The following SCMH1 variants were observed in gnomAD, a reference collection of about 807,000 sequenced individuals.
SCMH1 encodes polycomb protein SCMH1.
Under a neutral mutation model 70.8 loss-of-function variants are expected in SCMH1, and 37 were observed. That is an observed-to-expected ratio of 0.52 (90% confidence interval 0.40 to 0.69). The LOEUF is 0.69. SCMH1 is among the 30% of genes least tolerant of loss of function. The pLI, the probability that SCMH1 is intolerant of heterozygous loss-of-function variation, is 0.00. For missense variants in SCMH1, 607 were observed against 827.3 expected, an observed-to-expected ratio of 0.73 and a Z score of 3.27; for synonymous variants, 292 against 307.4, an observed-to-expected ratio of 0.95 and a Z score of 0.52.
intron 8 of SCMH1, among the ~76,000 whole-genome samples, chr1:41,090,385 C>T (rs1487862087): frequency 1.3e-5 from 2 of 152,144 alleles, no homozygotes; most frequent in Non-Finnish European, 2.9e-5. Context: ...ATGCTCATAT[C>T]TGCTTCTGCA....
At chr1:41,126,883 G>A (rs1673308218) in intron 6 of SCMH1, among the ~76,000 whole-genome samples, 1 of 152,012 alleles carries the variant, frequency 6.6e-6, no homozygotes, top group Non-Finnish European at 1.5e-5. Flanking sequence ...TTCCTGAAGT[G>A]GGATCCCTGG....
At chr1:41,160,803 A>C in intron 4 of SCMH1, 72 bp downstream of exon 4, 1 of 1,412,784 alleles carries the variant, frequency 7.1e-7, no homozygotes, top group African/African-American at 1.4e-5. Flanking sequence ...TCGTTGGTTA[A>C]AACTGGTTAT....
chr1:41,161,178 T>C (rs939423849), intron 3 of SCMH1, among the ~76,000 whole-genome samples, 186 bp downstream of exon 3: 19 of 152,276 alleles, frequency 1.2e-4, no homozygotes, highest in African/African-American at 4.6e-4. Context: ...ACTCAGAATC[T>C]AGGTTTCCTA....
intron 8 of SCMH1, among the ~76,000 whole-genome samples, chr1:41,105,131 T>C (rs1389671669): frequency 6.6e-6 from 1 of 151,870 alleles, no homozygotes; most frequent in African/African-American, 2.4e-5. Context: ...AATTTTTTTT[T>C]TTTTTGTATT....
At chr1:41,144,495 C>T (rs1276989852) in intron 5 of SCMH1, among the ~76,000 whole-genome samples, 2 of 152,158 alleles carry the variant, frequency 1.3e-5, no homozygotes, top group Non-Finnish European at 2.9e-5. Flanking sequence ...TTTGCTTACT[C>T]ATTCATCAGC....
intron 4 of SCMH1, among the ~76,000 whole-genome samples, chr1:41,157,608 T>C (rs1457056363): frequency 1.3e-5 from 2 of 152,212 alleles, no homozygotes; most frequent in East Asian, 1.9e-4. Flanking sequence ...TATCCTGATA[T>C]GAGAAAGGTC....
intron 4 of SCMH1, among the ~76,000 whole-genome samples, chr1:41,153,708 T>A (rs1358702656): frequency 2.6e-5 from 4 of 152,208 alleles, no homozygotes; most frequent in Non-Finnish European, 5.9e-5. Flanking sequence ...CATACCTAGA[T>A]GGTATTTTCC....
intron 8 of SCMH1, among the ~76,000 whole-genome samples, chr1:41,087,258 AAAAC>A (rs1661986319): frequency 6.6e-6 from 1 of 152,200 alleles, no homozygotes; most frequent in Non-Finnish European, 1.5e-5. Flanking sequence ...ATAAAAAAGA[AAAAC>A]AATATATAAG....
intron 4 of SCMH1, 82 bp from the exon 5 acceptor site, chr1:41,151,766 G>T (rs1645096730): frequency 2.3e-6 from 2 of 877,654 alleles, no homozygotes; most frequent in Admixed American, 2.3e-5. Flanking sequence ...TAAACAGTAA[G>T]CTATTTGTAG....
Position 41,113,367 on chromosome 1 carries a change from A to C in SCMH1, c.661T>G (p.Trp221Gly). The C allele has an allele frequency of 6.2e-7, 1 of 1,614,076 alleles. No individual in the cohort carries two copies. The highest frequency in any genetic ancestry group is 8.5e-7 in the Non-Finnish European group (1 of 1,179,992). Reference sequence around the variant, plus strand: ...ATGTCTCGGGAGTCGAAGCGGCACCAGTAGTCAAAGGCCCCTCGCCACCCA... The same window carrying C: ...ATGTCTCGGGAGTCGAAGCGGCACCCGTAGTCAAAGGCCCCTCGCCACCCA... Residue 221 changes from tryptophan to glycine, a missense_variant, in exon 8 of 15, where the codon TGG becomes GGG. By Grantham distance (184) the Trp-to-Gly change is radical. Around this residue, in one of 3 missense-constraint regions of SCMH1, gnomAD observed 105 missense variants for 214.5 expected, o/e 0.49. Transcript: ENST00000337495. This position sits in a 1 kb window ranked among gnomAD's most constrained non-coding sequence, Gnocchi z 4.3.
At chr1:41,045,282 C>T (rs951532497) in intron 12 of SCMH1, among the ~76,000 whole-genome samples, 1 of 152,134 alleles carries the variant, frequency 6.6e-6, no homozygotes, top group Non-Finnish European at 1.5e-5. Context: ...AAAGGATCAG[C>T]CAGGGGATCA....
chr1:41,075,138 AC>A, intron 9 of SCMH1, 80 bp downstream of exon 9: 1 of 1,360,220 alleles, frequency 7.4e-7, no homozygotes, highest in South Asian at 1.2e-5. Context: ...TGCTGGGATT[AC>A]AGGCGTGAGC....
At chr1:41,084,222 A>T (rs982761470) in intron 8 of SCMH1, among the ~76,000 whole-genome samples, 4 of 152,232 alleles carry the variant, frequency 2.6e-5, no homozygotes, top group Non-Finnish European at 5.9e-5. Context: ...TTCGCAACCT[A>T]TTCATCTGAC....
At chr1:41,191,765 C>T (rs1466617315) in intron 1 of SCMH1, among the ~76,000 whole-genome samples, 1 of 151,820 alleles carries the variant, frequency 6.6e-6, no homozygotes, top group Non-Finnish European at 1.5e-5. Flanking sequence ...AAAAATTGTC[C>T]AAAGGGGTAA....
intron 2 of SCMH1, among the ~76,000 whole-genome samples, chr1:41,168,809 T>A (rs1400703841): frequency 1.3e-5 from 2 of 152,162 alleles, no homozygotes. Context: ...TCTCTGTGTT[T>A]ATTCAGACTG....
intron 8 of SCMH1, among the ~76,000 whole-genome samples, chr1:41,082,652 C>T (rs1207832324): frequency 1.3e-5 from 2 of 152,048 alleles, no homozygotes; most frequent in East Asian, 1.9e-4. Flanking sequence ...GATACCAAAG[C>T]CGGGCAGAGA....
At chr1:41,122,418 T>A (rs1050273084) in intron 6 of SCMH1, among the ~76,000 whole-genome samples, 2 of 152,230 alleles carry the variant, frequency 1.3e-5, no homozygotes, top group Admixed American at 6.5e-5. Flanking sequence ...TCTATCCTGC[T>A]TCCTTCTTAT....
intron 1 of SCMH1, among the ~76,000 whole-genome samples, chr1:41,221,842 A>G (rs1432225917): frequency 2.7e-5 from 4 of 148,714 alleles, no homozygotes; most frequent in Non-Finnish European, 5.9e-5. Flanking sequence ...CTGTGAGCCA[A>G]CACTGCACCA....
At chr1:41,112,824 C>T (rs1238001062) in intron 8 of SCMH1, among the ~76,000 whole-genome samples, 2 of 152,182 alleles carry the variant, frequency 1.3e-5, no homozygotes, top group Non-Finnish European at 2.9e-5. Flanking sequence ...AGATGGACCT[C>T]AAACCCATGT....
Sources: allele counts gnomAD v4.1 joint callset (sites outside exome capture counted in the v4.1 genomes callset), GRCh38; gene constraint gnomAD v4.1.1; regional missense constraint gnomAD v4.1.1; non-coding constraint Gnocchi (gnomAD v3.1); transcripts MANE v1.5; gene names NCBI Gene and HGNC (gene_info 2026-07-23, HGNC 2026-07-21).